FMO1: variants seen among roughly 807,000 people sequenced by gnomAD.
FMO1 encodes the protein flavin-containing monooxygenase 1.
A neutral mutation model predicts 45.4 loss-of-function variants in FMO1; 36 were observed. The observed-to-expected ratio is 0.79, with a 90% CI of 0.61 to 1.05. The LOEUF is 1.05. Ranked by LOEUF, FMO1 falls within the 50% of genes least tolerant of loss-of-function variation. The pLI, the probability that FMO1 is intolerant of heterozygous loss-of-function variation, is 0.00. For missense variants in FMO1, 615 were observed against 640.3 expected, an observed-to-expected ratio of 0.96 and a Z score of 0.43; for synonymous variants, 228 against 227.2, an observed-to-expected ratio of 1.00 and a Z score of -0.03.
At chr1:171,283,030 T>C (rs1323117388) in intron 7 of FMO1, 114 bp from the exon 8 acceptor site, 1 of 672,832 alleles carries the variant, frequency 1.5e-6, no homozygotes, top group East Asian at 3.0e-5. Context: ...GAAGGATCAA[T>C]GAGTAGCTGG....
chr1:171,278,737 G>T lies in FMO1; in HGVS notation c.493G>T (p.Ala165Ser). The change falls in exon 5 of 9, where the codon GCC (alanine) becomes TCC (serine). Residue 165 changes from alanine to serine, a missense_variant. Transcript: ENST00000617670. ...LPLDSFPGIN[A>S]FKGQYFHSRQ... is the part of the protein sequence containing the mutation. ...TCTTTTATTTTCTATAGGTATTAATGCCTTTAAAGGCCAGTACTTTCATAG... is the reference window on the plus strand; with the variant it reads ...TCTTTTATTTTCTATAGGTATTAATTCCTTTAAAGGCCAGTACTTTCATAG... 1 of 1,600,636 alleles carries T rather than the reference G, an allele frequency of 6.2e-7. No individual in the cohort carries two copies. The highest frequency in any genetic ancestry group is 2.2e-5 in the East Asian group (1 of 44,710).
intron 2 of FMO1, among the ~76,000 whole-genome samples, chr1:171,265,891 G>A (rs1341258836): frequency 1.3e-5 from 2 of 152,208 alleles, no homozygotes. Context: ...GCTCACAGAG[G>A]TATGTTGATT....
At chr1:171,263,280 A>G (rs546579916) in intron 2 of FMO1, among the ~76,000 whole-genome samples, 10 of 152,264 alleles carry the variant, frequency 6.6e-5, no homozygotes, top group South Asian at 4.1e-4. Context: ...TATCACTCCA[A>G]TTTCTCCTAG....
intron 8 of FMO1, among the ~76,000 whole-genome samples, chr1:171,284,322 A>C (rs1000529561): frequency 6.6e-6 from 1 of 152,222 alleles, no homozygotes; most frequent in Non-Finnish European, 1.5e-5. Flanking sequence ...ATAGCATTTT[A>C]GATGTCTCTT....
At position 171,270,684 on chromosome 1, in the gene FMO1, C is replaced by G. The variant is rs144121267; in HGVS notation, c.321+2953C>G. The G allele has an allele frequency of 1.4e-4, 145 of 1,053,144 alleles. 1 individual carries two copies. The East Asian group carries it at 0.012, about 86-fold the overall frequency. The allele number at this position is 1,053,144 out of a possible 1,614,324, so 65.2% of individuals were successfully genotyped here. On this transcript the variant is annotated intron_variant, in intron 3 of 8. Transcript: ENST00000617670. ...ATATATAACTAATTTGTGCTGTGCA[C>G]CAACAAGAACATGCTTTAAATTTCC...
chr1:171,264,944 T>A (rs1371191028), intron 2 of FMO1, among the ~76,000 whole-genome samples: 1 of 151,834 alleles, frequency 6.6e-6, no homozygotes, highest in East Asian at 1.9e-4. Context: ...AGGCTCACCC[T>A]GACTTACAGA....
chr1:171,257,011 T>C lies in FMO1; in HGVS notation c.-6-1071T>C, dbSNP rs186145327. On this transcript the variant is annotated intron_variant, in intron 1 of 8. Transcript: ENST00000617670. ...ATTGATGTGAAAGGCAGATACCAAT[T>C]CTTGGAAATGCTTTTAAAGTTTCAA... is the stretch of plus-strand genomic sequence containing the variant. 3.8e-4 allele frequency among the ~76,000 whole-genome samples: 58 copies of C among 152,332 alleles called. 1 individual carries two copies. The East Asian group carries it at 8.9e-3, about 23-fold the overall frequency.
chr1:171,258,834 C>T (rs1053336399), intron 2 of FMO1, among the ~76,000 whole-genome samples: 3 of 151,312 alleles, frequency 2.0e-5, no homozygotes, highest in East Asian at 1.9e-4. Flanking sequence ...CTGCCTGGAT[C>T]GGAGAAAGGA....
At chr1:171,282,963 C>T (rs7512853) in intron 7 of FMO1, 181 bp from the exon 8 acceptor site, 84,110 of 473,714 alleles carry the variant, frequency 0.18, 12,355 homozygotes, top group African/African-American at 0.58. Flanking sequence ...TTTCAGCTGA[C>T]GGCATTATTA....
At chr1:171,280,726 G>A (rs933214566) in intron 5 of FMO1, 60 bp from the exon 6 acceptor site, 1 of 1,452,032 alleles carries the variant, frequency 6.9e-7, no homozygotes, top group Non-Finnish European at 9.7e-7. Flanking sequence ...TGAATCTCTG[G>A]CAGAACCAGC....
At chr1:171,267,115 A>G (rs1660649088) in intron 2 of FMO1, among the ~76,000 whole-genome samples, 1 of 152,208 alleles carries the variant, frequency 6.6e-6, no homozygotes. Flanking sequence ...CTCATTAGCA[A>G]TCAAGTGGAT....
intron 2 of FMO1, among the ~76,000 whole-genome samples, 153 bp from the exon 3 acceptor site, chr1:171,267,390 A>G (rs1038333795): frequency 6.6e-6 from 1 of 152,208 alleles, no homozygotes; most frequent in Admixed American, 6.5e-5. Flanking sequence ...GCAATTGTCC[A>G]TCATTCAAAT....
chr1:171,278,679 T>C, intron 4 of FMO1, 50 bp from the exon 5 acceptor site: 1 of 1,358,620 alleles, frequency 7.4e-7, no homozygotes, highest in Non-Finnish European at 1.0e-6. Context: ...TTATGTTTCA[T>C]TCACTGATCC....
At chr1:171,275,263 T>A in intron 3 of FMO1, 83 bp from the exon 4 acceptor site, 1 of 1,120,818 alleles carries the variant, frequency 8.9e-7, no homozygotes, top group Non-Finnish European at 1.3e-6. Context: ...TCTAGAACTT[T>A]TAAAATATCA....
At chr1:171,278,635 A>G (rs1209378943) in intron 4 of FMO1, 94 bp from the exon 5 acceptor site, 2 of 968,942 alleles carry the variant, frequency 2.1e-6, no homozygotes, top group African/African-American at 3.3e-5. Flanking sequence ...GACCAAAATC[A>G]TCTGTCAAAA....
At chr1:171,250,649 A>G (rs1204496428) in intron 1 of FMO1, among the ~76,000 whole-genome samples, 1 of 152,196 alleles carries the variant, frequency 6.6e-6, no homozygotes, top group East Asian at 1.9e-4. Flanking sequence ...AAAATCAGTC[A>G]CTTTTATACA....
intron 3 of FMO1, chr1:171,271,617 A>G (rs1388111163): frequency 1.4e-6 from 1 of 740,536 alleles, no homozygotes; most frequent in African/African-American, 1.7e-5. Flanking sequence ...AGTGAGGCAC[A>G]GAGTTGCCCA....
intron 2 of FMO1, among the ~76,000 whole-genome samples, chr1:171,267,067 C>T (rs1660646142): frequency 6.6e-6 from 1 of 152,208 alleles, no homozygotes; most frequent in Non-Finnish European, 1.5e-5. Context: ...CAAATCTCAC[C>T]CTTCTGGGTT....
intron 1 of FMO1, among the ~76,000 whole-genome samples, chr1:171,250,022 C>T (rs28384821): frequency 1.6e-3 from 241 of 152,130 alleles, no homozygotes; most frequent in African/African-American, 5.6e-3. Flanking sequence ...TTCAAGGTGC[C>T]CCCAGACCAT....
Sources: allele counts gnomAD v4.1 joint callset (sites outside exome capture counted in the v4.1 genomes callset), GRCh38; gene constraint gnomAD v4.1.1; transcripts MANE v1.5; gene names NCBI Gene and HGNC (gene_info 2026-07-23, HGNC 2026-07-21).